UBN1: variants seen among roughly 807,000 people sequenced by gnomAD.
UBN1 encodes ubinuclein-1.
UBN1 carries 17 observed loss-of-function variants against 108.5 expected under a neutral mutation model. The ratio of observed to expected loss-of-function variants is 0.16; its 90% CI spans 0.11 to 0.24. The LOEUF is 0.24. Among genes scored for constraint, UBN1 ranks in the 10% least tolerant of loss-of-function variants. UBN1 has a pLI of 1.00. For synonymous variants in UBN1, 726 were observed against 564.2 expected (o/e 1.29, Z -4.07); for missense variants, 1,595 against 1,394.4 (o/e 1.14, Z -2.29).
At chr16:4,871,056 G>C in intron 11 of UBN1, 84 bp downstream of exon 11, 1 of 1,602,924 alleles carries the variant, frequency 6.2e-7, no homozygotes, top group Non-Finnish European at 8.5e-7. Context: ...CAAAGGTTAG[G>C]CTCATTTACT....
rs368670957 is a variant in UBN1 at position 4,861,072 on chromosome 16, C to T, written c.1080C>T (p.Pro360=). The T allele has an allele frequency of 1.1e-5, 17 of 1,613,618 alleles. No individual in the cohort carries two copies. Among genetic ancestry groups the T allele is most frequent in the Middle Eastern group, 1.6e-4 (1 of 6,070 alleles). Reference sequence around the variant, plus strand: ...CTCTCCCCGAAGGCCTGCCAGCACCCCTGGAGAAGCGCGTTAAGGAGCTGG... The same window carrying T: ...CTCTCCCCGAAGGCCTGCCAGCACCTCTGGAGAAGCGCGTTAAGGAGCTGG... ...PSSLPEGLPA[P]LEKRVKELAQ... Residue 360 remains proline, a synonymous_variant, in exon 7 of 18, where the codon CCC becomes CCT. Transcript: ENST00000262376.
chr16:4,875,017 C>T lies in UBN1; in HGVS notation c.2607C>T (p.Ser869=), dbSNP rs199975020. 1.0e-4 allele frequency: 166 copies of T among 1,614,094 alleles called. 1 individual carries two copies. In the East Asian group the frequency reaches 3.3e-3, roughly 32 times the overall value. ...PATSGGLSAS[S]SSSHKTPASS... ...CCTCAGGAGGCCTGTCAGCCTCCAG[C>T]AGCAGCTCTCACAAGACCCCAGCCT... Residue 869 remains serine, a synonymous_variant, in exon 15 of 18, where the codon AGC becomes AGT. Transcript: ENST00000262376.
rs1282509706 is a variant in UBN1, at chr16:4,847,554, C to G, written c.-696C>G. On this transcript the variant is annotated 5_prime_UTR_variant, in exon 1 of 18. Coordinates refer to ENST00000262376, the MANE Select transcript of UBN1 (RefSeq NM_001079514.3). ...TGAGGCGGCGGCGGCGGCGACGGTG[C>G]GACCGGCTGAGCGCGAGAGGGAGCC... 2.3e-6 allele frequency: 1 copy of G among 430,642 alleles called. No individual in the cohort carries two copies. The highest frequency in any genetic ancestry group is 2.1e-5 in the African/African-American group (1 of 47,036). 26.7% of individuals were successfully genotyped at this position (430,642 alleles called of 1,614,324 possible).
intron 15 of UBN1, 36 bp downstream of exon 15, chr16:4,875,470 T>C (rs1279182083): frequency 1.3e-6 from 2 of 1,570,498 alleles, no homozygotes; most frequent in Non-Finnish European, 8.6e-7. Context: ...CCTGCCCCAC[T>C]CACAGGGGCC....
chr16:4,870,878 G>A lies in UBN1; in HGVS notation c.1465G>A (p.Asp489Asn), dbSNP rs2087598313. The A allele has an allele frequency of 6.2e-6, 10 of 1,614,082 alleles. No homozygotes were observed. Among genetic ancestry groups the A allele is most frequent in the Non-Finnish European group, 8.5e-6 (10 of 1,180,006 alleles). Residue 489 changes from aspartate (D) to asparagine (N), a missense_variant, in exon 11 of 18, where the codon GAC becomes AAC. By Grantham distance (23) the Asp-to-Asn change is conservative. Transcript: ENST00000262376. Reference sequence around the variant, plus strand: ...AGAGGAGAAAGACAAGGAGCAGAGGGACCGGATTTGTTCGGATGAGGAAGA... The same window carrying A: ...AGAGGAGAAAGACAAGGAGCAGAGGAACCGGATTTGTTCGGATGAGGAAGA... ...LEEEKDKEQR[D>N]RICSDEEEDE... is the part of the protein sequence containing the mutation.
chr16:4,870,803 G>A (rs770165187), intron 10 of UBN1, 41 bp from the exon 11 acceptor site: 1 of 1,611,340 alleles, frequency 6.2e-7, no homozygotes, highest in South Asian at 1.1e-5. Context: ...GCGGTGGGCA[G>A]GAGCACCTTG....
intron 3 of UBN1, 71 bp from the exon 4 acceptor site, chr16:4,858,497 G>A (rs2086909994): frequency 7.2e-7 from 1 of 1,388,422 alleles, no homozygotes; most frequent in East Asian, 2.3e-5. Flanking sequence ...CATAGCTGAT[G>A]AAGTTCAAGG....
In UBN1 at chr16:4,874,953, C is replaced by T. The variant is rs777741957; in HGVS notation, c.2543C>T (p.Ala848Val). Residue 848 changes from alanine to valine, a missense_variant, in exon 15 of 18, where the codon GCG becomes GTG. Physicochemically the swap from Ala to Val is moderately conservative, Grantham distance 64. This residue lies in a region of UBN1 where 1,398 missense variants were observed against 1,194.7 expected (regional missense o/e 1.17). Transcript: ENST00000262376. ...TCCCTCCTGCAGTTAGTGAAGACAG[C>T]GGCCAAAGGCCAGGGCTTCCATCCC... Reference protein sequence around the residue: ...HRSLLQLVKTAAKGQGFHPSA... With the variant: ...HRSLLQLVKTVAKGQGFHPSA... 12 of 1,614,124 alleles carry T rather than the reference C, an allele frequency of 7.4e-6. No homozygotes were observed. The highest frequency in any genetic ancestry group is 3.3e-4 in the Middle Eastern group (2 of 6,062).
At chr16:4,866,576 G>A (rs888651692) in intron 7 of UBN1, among the ~76,000 whole-genome samples, 3 of 152,198 alleles carry the variant, frequency 2.0e-5, no homozygotes, top group Admixed American at 2.0e-4. Flanking sequence ...GCAGTGGCAC[G>A]ATCTTGCCTT....
intron 1 of UBN1, among the ~76,000 whole-genome samples, chr16:4,851,878 T>G (rs2086574379): frequency 6.6e-6 from 1 of 152,066 alleles, no homozygotes; most frequent in Non-Finnish European, 1.5e-5. Flanking sequence ...TAAGCAACAC[T>G]AAACAGCAAA....
At chr16:4,851,224 G>C (rs1215656471) in intron 1 of UBN1, among the ~76,000 whole-genome samples, 1 of 152,200 alleles carries the variant, frequency 6.6e-6, no homozygotes, top group East Asian at 1.9e-4. Flanking sequence ...CATATAGGCT[G>C]GGCTCAGTGG....
At chr16:4,850,128 T>C (rs1245133462) in intron 1 of UBN1, among the ~76,000 whole-genome samples, 2 of 152,184 alleles carry the variant, frequency 1.3e-5, no homozygotes, top group South Asian at 2.1e-4. Flanking sequence ...TTGTTAAATA[T>C]ATTGGATTCT....
intron 7 of UBN1, among the ~76,000 whole-genome samples, chr16:4,867,787 T>G (rs769657323): frequency 5.9e-5 from 9 of 151,962 alleles, no homozygotes; most frequent in Non-Finnish European, 1.3e-4. Context: ...GGTGAGGGGT[T>G]AGCAGTGTCT....
At position 4,875,126 on chromosome 16, in the gene UBN1, A is replaced by T; in HGVS notation, c.2716A>T (p.Ser906Cys). 1 of 1,614,222 alleles carries T rather than the reference A, an allele frequency of 6.2e-7. No homozygotes were observed. Among genetic ancestry groups the T allele is most frequent in the East Asian group, 2.2e-5 (1 of 44,880 alleles). Residue 906 changes from serine to cysteine, a missense_variant, in exon 15 of 18, where the codon AGC becomes TGC. Physicochemically the swap from Ser to Cys is moderately radical, Grantham distance 112. Coordinates refer to ENST00000262376, the MANE Select transcript of UBN1 (RefSeq NM_001079514.3). ...GSSYKNNPFA[S>C]SISKHGVSSG... ...ATCTTACAAGAATAATCCCTTTGCC[A>T]GCTCAATCTCCAAACATGGGGTTTC...
intron 12 of UBN1, among the ~76,000 whole-genome samples, chr16:4,871,626 G>T (rs1349464431): frequency 8.2e-6 from 1 of 121,952 alleles, no homozygotes; most frequent in African/African-American, 3.2e-5. Flanking sequence ...TCGCTCTGTT[G>T]CCTGGGCTGG....
rs751347830 is a variant in UBN1, at chr16:4,880,074, C to T, written c.3356-9C>T. 5.5e-5 allele frequency: 88 copies of T among 1,613,902 alleles called. 2 individuals are homozygous for T. The South Asian group carries it at 9.4e-4, about 17-fold the overall frequency. On this transcript the variant is annotated splice_polypyrimidine_tract_variant and intron_variant, in intron 17 of 17. Coordinates refer to ENST00000262376, the MANE Select transcript of UBN1 (RefSeq NM_001079514.3). ...AACTTGCGTTCTAATTTTTCTTACT[C>T]TTTTCCAGGTGCTTCTCAGCTTCAC...
intron 14 of UBN1, among the ~76,000 whole-genome samples, chr16:4,873,496 A>C (rs75184911): frequency 6.6e-6 from 1 of 152,226 alleles, no homozygotes. Flanking sequence ...TAGTGGCTGG[A>C]GAATAGACAC....
intron 15 of UBN1, among the ~76,000 whole-genome samples, chr16:4,876,042 T>G (rs1208889296): frequency 2.0e-5 from 3 of 151,252 alleles, no homozygotes; most frequent in African/African-American, 7.3e-5. Context: ...CAGCGCAAGC[T>G]CCACCTCCCG....
At chr16:4,866,518 A>G (rs2087339823) in intron 7 of UBN1, among the ~76,000 whole-genome samples, 1 of 152,050 alleles carries the variant, frequency 6.6e-6, no homozygotes, top group African/African-American at 2.4e-5. Context: ...ATTTTATTTT[A>G]TTATTATTTT....
Sources: allele counts gnomAD v4.1 joint callset (sites outside exome capture counted in the v4.1 genomes callset), GRCh38; gene constraint gnomAD v4.1.1; regional missense constraint gnomAD v4.1.1; transcripts MANE v1.5; gene names NCBI Gene and HGNC (gene_info 2026-07-23, HGNC 2026-07-21).